The following HDAC4 variants were observed in gnomAD, a reference collection of about 807,000 sequenced individuals.
HDAC4 encodes histone deacetylase 4, also known as histone deacetylase A.
Under a neutral mutation model 135.1 loss-of-function variants are expected in HDAC4, and 16 were observed. That is an observed-to-expected ratio of 0.12 (90% CI 0.08 to 0.18). The LOEUF (loss-of-function observed/expected upper bound fraction) is 0.18, where lower values mean the gene tolerates loss of function less well. Ranked by LOEUF, HDAC4 falls within the 10% of genes least tolerant of loss-of-function variation. The pLI, the probability that HDAC4 is intolerant of heterozygous loss-of-function variation, is 1.00. For missense variants in HDAC4, 1,143 were observed against 1,511.8 expected (o/e 0.76, Z 4.05); for synonymous variants, 685 against 653.4 (o/e 1.05, Z -0.74).
intron 7 of HDAC4, among the ~76,000 whole-genome samples, chr2:239,153,757 T>A (rs985987907): frequency 6.6e-6 from 1 of 152,222 alleles, no homozygotes; most frequent in Admixed American, 6.5e-5. Context: ...GGTGGTGCTA[T>A]CACAAGGTTA....
chr2:239,099,952 A>G (rs2037463553), intron 16 of HDAC4, among the ~76,000 whole-genome samples: 1 of 152,196 alleles, frequency 6.6e-6, no homozygotes, highest in South Asian at 2.1e-4. Context: ...CATGCCTGGA[A>G]TGCCTCTGTG....
chr2:239,155,557 G>A (rs1052133722), intron 7 of HDAC4: 2 of 152,380 alleles, frequency 1.3e-5, no homozygotes, highest in African/African-American at 4.8e-5. Context: ...CTCCTCTAGG[G>A]TCACAGCTGG....
chr2:239,187,614 C>A (rs1373509832), intron 4 of HDAC4, among the ~76,000 whole-genome samples: 1 of 152,188 alleles, frequency 6.6e-6, no homozygotes, highest in East Asian at 1.9e-4. Flanking sequence ...TGGTCAGGGC[C>A]GTGAGGGAGG....
At chr2:239,055,596 A>G (rs2031699781) in intron 24 of HDAC4, among the ~76,000 whole-genome samples, 1 of 152,022 alleles carries the variant, frequency 6.6e-6, no homozygotes. Context: ...GGGCACCTGT[A>G]GTCCCAGCTA....
At chr2:239,149,275 C>T (rs2152928428) in intron 7 of HDAC4, among the ~76,000 whole-genome samples, 1 of 152,018 alleles carries the variant, frequency 6.6e-6, no homozygotes, top group East Asian at 1.9e-4. Context: ...GTAGTGGCAC[C>T]TGTAGTCCCA....
At chr2:239,300,331 T>G (rs1015462115) in intron 2 of HDAC4, among the ~76,000 whole-genome samples, 1 of 152,198 alleles carries the variant, frequency 6.6e-6, no homozygotes, top group African/African-American at 2.4e-5. Flanking sequence ...ACTGGCCACA[T>G]GTGGTTACTT....
At chr2:239,295,306 C>CAAAAAAAAAAA (rs55990119) in intron 2 of HDAC4, among the ~76,000 whole-genome samples, 21 of 46,560 alleles carry the variant, frequency 4.5e-4, no homozygotes, top group East Asian at 2.4e-3. Context: ...GACTCCGTCT[C>CAAAAAAAAAAA]AAAAAAAAAA....
intron 2 of HDAC4, among the ~76,000 whole-genome samples, chr2:239,295,423 A>C (rs1365516033): frequency 1.3e-5 from 2 of 151,970 alleles, no homozygotes; most frequent in Non-Finnish European, 2.9e-5. Flanking sequence ...AACGAGAATG[A>C]GACAAGATGG....
chr2:239,165,479 G>A (rs903504367), intron 5 of HDAC4, among the ~76,000 whole-genome samples: 1 of 150,992 alleles, frequency 6.6e-6, no homozygotes, highest in Non-Finnish European at 1.5e-5. Flanking sequence ...TGGTGTTGTG[G>A]GTCTGTGTGT....
At chr2:239,356,660 C>A (rs1693507741) in intron 1 of HDAC4, among the ~76,000 whole-genome samples, 1 of 152,032 alleles carries the variant, frequency 6.6e-6, no homozygotes, top group Admixed American at 6.6e-5. Flanking sequence ...ACCAGCAATA[C>A]AGAAGACCAC....
At chr2:239,075,724 C>G (rs1261525499) in intron 22 of HDAC4, among the ~76,000 whole-genome samples, 1 of 152,260 alleles carries the variant, frequency 6.6e-6, no homozygotes, top group African/African-American at 2.4e-5. Flanking sequence ...TCGTTACCGA[C>G]ACAGCACTGC....
At chr2:239,348,406 T>A (rs902037778) in intron 2 of HDAC4, among the ~76,000 whole-genome samples, 5 of 152,036 alleles carry the variant, frequency 3.3e-5, no homozygotes, top group Non-Finnish European at 7.4e-5. Flanking sequence ...AGGGACGGGG[T>A]AGTGTTAAGT....
chr2:239,175,580 C>CA (rs2043712606), intron 5 of HDAC4, among the ~76,000 whole-genome samples: 1 of 152,356 alleles, frequency 6.6e-6, no homozygotes, highest in South Asian at 2.1e-4. Context: ...GATGTACAAA[C>CA]ACAGCCCCCA....
chr2:239,110,264 A>G (rs767112593), intron 14 of HDAC4, among the ~76,000 whole-genome samples: 1 of 152,212 alleles, frequency 6.6e-6, no homozygotes, highest in East Asian at 1.9e-4. Flanking sequence ...TTTTCTTTAC[A>G]ATGAACATGT....
At chr2:239,199,510 C>T (rs777746529) in intron 3 of HDAC4, among the ~76,000 whole-genome samples, 19 of 151,322 alleles carry the variant, frequency 1.3e-4, no homozygotes, top group Non-Finnish European at 2.4e-4. Flanking sequence ...TTCTCTTCCT[C>T]GGTTTGCCCA....
chr2:239,291,781 A>G (rs562712847), intron 2 of HDAC4, among the ~76,000 whole-genome samples: 7 of 152,306 alleles, frequency 4.6e-5, no homozygotes, highest in Non-Finnish European at 8.8e-5. Flanking sequence ...GATATCATAA[A>G]GAAGATTTCC....
At chr2:239,073,023 G>A (rs1268237005) in intron 22 of HDAC4, among the ~76,000 whole-genome samples, 2 of 152,206 alleles carry the variant, frequency 1.3e-5, no homozygotes, top group African/African-American at 4.8e-5. Flanking sequence ...CGCGTCCCAT[G>A]AGCAAGCTCA....
chr2:239,153,285 T>C (rs1451960268), intron 7 of HDAC4, among the ~76,000 whole-genome samples: 2 of 152,236 alleles, frequency 1.3e-5, no homozygotes, highest in African/African-American at 2.4e-5. Flanking sequence ...AATTGCCCTT[T>C]AGAGATGCAG....
At chr2:239,203,473 A>C (rs1197266912) in intron 3 of HDAC4, among the ~76,000 whole-genome samples, 2 of 152,232 alleles carry the variant, frequency 1.3e-5, no homozygotes, top group East Asian at 3.8e-4. Context: ...ATAAGAAAGA[A>C]ACCAAAGGAC....
Sources: allele counts gnomAD v4.1 joint callset (sites outside exome capture counted in the v4.1 genomes callset), GRCh38; gene constraint gnomAD v4.1.1; transcripts MANE v1.5; gene names NCBI Gene and HGNC (gene_info 2026-07-23, HGNC 2026-07-21).